The following LDLRAD4 variants were observed in gnomAD, a reference collection of about 807,000 sequenced individuals.
The protein encoded by LDLRAD4 is low-density lipoprotein receptor class A domain-containing protein 4.
LDLRAD4 carries 5 observed loss-of-function variants against 17.0 expected under a neutral mutation model. The observed-to-expected ratio is 0.29, with a 90% confidence interval of 0.15 to 0.62. LDLRAD4 has a LOEUF of 0.62. Among genes scored for constraint, LDLRAD4 ranks in the 20% least tolerant of loss-of-function variants. LDLRAD4 has a pLI of 0.84. For synonymous variants in LDLRAD4, 168 were observed against 171.8 expected, an observed-to-expected ratio of 0.98 and a Z score of 0.17; for missense variants, 340 against 424.7, an observed-to-expected ratio of 0.80 and a Z score of 1.75.
At chr18:13,550,089 G>A (rs547864596) in intron 3 of LDLRAD4, among the ~76,000 whole-genome samples, 1 of 152,336 alleles carries the variant, frequency 6.6e-6, no homozygotes, top group South Asian at 2.1e-4. Context: ...AGCAGACACA[G>A]TTGCTGTCTA....
chr18:13,453,658 A>G (rs2091965841), intron 3 of LDLRAD4, among the ~76,000 whole-genome samples: 1 of 152,216 alleles, frequency 6.6e-6, no homozygotes, highest in South Asian at 2.1e-4. Flanking sequence ...CAGGTGTCTG[A>G]GAGAGACGTT....
chr18:13,532,097 G>A (rs1443680603), intron 3 of LDLRAD4, among the ~76,000 whole-genome samples: 1 of 152,202 alleles, frequency 6.6e-6, no homozygotes, highest in African/African-American at 2.4e-5. Flanking sequence ...GGCAGTGAGA[G>A]ATGGGAGCAG....
rs138674664 is a variant in LDLRAD4 at position 13,566,004 on chromosome 18, C to G, written c.182-55113C>G. Among the ~76,000 whole-genome samples the G allele has an allele frequency of 3.5e-4, 53 of 152,324 alleles. No homozygotes were observed. In the East Asian group the frequency reaches 7.3e-3, roughly 21 times the overall value. On this transcript the variant is annotated intron_variant, in intron 3 of 5. Coordinates refer to ENST00000359446, the Ensembl canonical transcript of LDLRAD4. The stretch of plus-strand genomic sequence containing the variant: ...TCGTCCATTCGTTCAGTCCAACAAG[C>G]CTGGGCCATGAATTTTCTCTGGGAC...
chr18:13,536,239 A>G (rs901252130), intron 3 of LDLRAD4, among the ~76,000 whole-genome samples: 3 of 152,214 alleles, frequency 2.0e-5, no homozygotes, highest in African/African-American at 4.8e-5. Context: ...AAGAATTTCC[A>G]TCTTAATAAT....
intron 3 of LDLRAD4, among the ~76,000 whole-genome samples, chr18:13,610,287 T>C (rs940579829): frequency 0.035 from 2,408 of 68,024 alleles, 173 homozygotes; most frequent in Non-Finnish European, 0.053. Flanking sequence ...TTTTTTTTTT[T>C]TTTTTTTTTT....
exon 6 of LDLRAD4, chr18:13,646,531 T>G (rs1351013528): frequency 2.0e-5 from 3 of 152,352 alleles, no homozygotes; most frequent in Non-Finnish European, 4.4e-5. Flanking sequence ...CATTTCTGAC[T>G]TGTTATTTTG....
intron 3 of LDLRAD4, among the ~76,000 whole-genome samples, chr18:13,568,121 C>G (rs1462684350): frequency 6.6e-6 from 1 of 152,110 alleles, no homozygotes; most frequent in African/African-American, 2.4e-5. Flanking sequence ...ATGGCGAAAC[C>G]TGTCTCTACT....
At chr18:13,473,757 ACTTT>A (rs1465184232) in intron 3 of LDLRAD4, among the ~76,000 whole-genome samples, 2 of 149,400 alleles carry the variant, frequency 1.3e-5, no homozygotes, top group East Asian at 3.9e-4. Context: ...AAATTCAAAC[ACTTT>A]CTTTTTGAGA....
In LDLRAD4 at chr18:13,290,022, C is replaced by T. The variant is rs144144085; in HGVS notation, c.-383+11834C>T. Among the ~76,000 whole-genome samples, 14 of 152,256 alleles carry T rather than the reference C, an allele frequency of 9.2e-5. No homozygotes were observed. In the East Asian group the frequency reaches 9.7e-4, roughly 10 times the overall value. On this transcript the variant is annotated intron_variant, in intron 1 of 5. Coordinates refer to ENST00000359446, the Ensembl canonical transcript of LDLRAD4. ...TGGGGAGTTTTACTGTGTGGGCAGA[C>T]GTGGTGGGCTCAGTAACTGTGTGGG...
In LDLRAD4 at chr18:13,302,483, T is replaced by C. The variant is rs548519953; in HGVS notation, c.-383+24295T>C. 8.5e-5 allele frequency among the ~76,000 whole-genome samples: 13 copies of C among 152,284 alleles called. No individual in the cohort carries two copies. The South Asian group carries it at 2.7e-3, about 32-fold the overall frequency. ...GAATGGGATACTTGAGGGGGACAGA[T>C]TTGGGGATAGGTTAAAGGAAACTCA... On this transcript the variant is annotated intron_variant, in intron 1 of 5. Coordinates refer to ENST00000359446, the Ensembl canonical transcript of LDLRAD4.
chr18:13,372,861 A>T (rs2144892528), intron 1 of LDLRAD4, among the ~76,000 whole-genome samples: 1 of 152,280 alleles, frequency 6.6e-6, no homozygotes, highest in Admixed American at 6.5e-5. Context: ...TTCTCGGCAG[A>T]GCAGAGGAGC....
At chr18:13,342,404 C>G (rs1249379304) in intron 1 of LDLRAD4, among the ~76,000 whole-genome samples, 4 of 150,926 alleles carry the variant, frequency 2.7e-5, no homozygotes, top group Admixed American at 2.6e-4. Flanking sequence ...TGATTCAGTC[C>G]CTTTACTAGT....
chr18:13,300,123 G>C lies in LDLRAD4; in HGVS notation c.-383+21935G>C, dbSNP rs1409718112. 6.6e-6 allele frequency among the ~76,000 whole-genome samples: 1 copy of C among 152,156 alleles called. No individual in the cohort carries two copies. The highest frequency in any genetic ancestry group is 1.5e-5 in the Non-Finnish European group (1 of 68,014). Reference sequence around the variant, plus strand: ...TCTGCCCCATGCTTCACACATCTTGGTTCCTGCAAATTCCATGCCCCAGCC... The same window carrying C: ...TCTGCCCCATGCTTCACACATCTTGCTTCCTGCAAATTCCATGCCCCAGCC... On this transcript the variant is annotated intron_variant, in intron 1 of 5. Coordinates refer to ENST00000359446, the Ensembl canonical transcript of LDLRAD4. The surrounding 1 kb of genome is among the most constrained non-coding windows in gnomAD (Gnocchi z 4.2).
rs1360486133 is a variant in LDLRAD4, at chr18:13,300,436, C to T, written c.-383+22248C>T. Among the ~76,000 whole-genome samples, 3 of 152,324 alleles carry T rather than the reference C, an allele frequency of 2.0e-5. No homozygotes were observed. Among genetic ancestry groups the T allele is most frequent in the East Asian group, 3.9e-4 (2 of 5,164 alleles). ...CCTTTTTTCCCAAGGACATGACATT[C>T]GCGGGGTCAGCCATGACTGCTGCCC... On this transcript the variant is annotated intron_variant, in intron 1 of 5. Transcript: ENST00000359446. The surrounding 1 kb of genome is among the most constrained non-coding windows in gnomAD (Gnocchi z 4.2).
intron 4 of LDLRAD4, among the ~76,000 whole-genome samples, chr18:13,636,888 C>T (rs977704805): frequency 6.6e-6 from 1 of 152,008 alleles, no homozygotes; most frequent in African/African-American, 2.4e-5. Flanking sequence ...ACCCCTGCCT[C>T]CTGGGTTTAA....
chr18:13,226,180 C>CTTTTTTTTTGTTTTTTTTTT (rs2041784478), intron 1 of LDLRAD4, among the ~76,000 whole-genome samples: 1 of 52,186 alleles, frequency 1.9e-5, no homozygotes, highest in African/African-American at 7.8e-5. Context: ...CCATGCCTTG[C>CTTTTTTTTTGTTTTTTTTTT]TTTTTTTTTT....
intron 1 of LDLRAD4, among the ~76,000 whole-genome samples, chr18:13,313,825 G>A (rs1488236037): frequency 1.6e-5 from 1 of 62,870 alleles, no homozygotes; most frequent in Non-Finnish European, 2.8e-5. Flanking sequence ...GCCGTGTGCG[G>A]GGGGGTGCCC....
chr18:13,345,019 A>G (rs1482486727), intron 1 of LDLRAD4, among the ~76,000 whole-genome samples: 1 of 152,196 alleles, frequency 6.6e-6, no homozygotes, highest in Non-Finnish European at 1.5e-5. Context: ...CAGTCATGTC[A>G]TCTGCAAACA....
chr18:13,600,591 C>T (rs146872036), intron 3 of LDLRAD4, among the ~76,000 whole-genome samples: 27 of 152,272 alleles, frequency 1.8e-4, no homozygotes, highest in African/African-American at 4.8e-4. Flanking sequence ...TCGCCATTTG[C>T]TGTTTTGTCT....
Sources: allele counts gnomAD v4.1 joint callset (sites outside exome capture counted in the v4.1 genomes callset), GRCh38; gene constraint gnomAD v4.1.1; non-coding constraint Gnocchi (gnomAD v3.1); transcripts MANE v1.5; gene names NCBI Gene and HGNC (gene_info 2026-07-23, HGNC 2026-07-21).